The following MYO18B variants were observed in gnomAD, a reference collection of about 807,000 sequenced individuals.
MYO18B encodes unconventional myosin-XVIIIb.
Under a neutral mutation model 273.0 loss-of-function variants are expected in MYO18B, and 204 were observed. That is an observed-to-expected ratio of 0.75 (90% CI 0.67 to 0.84). MYO18B has a LOEUF of 0.84. MYO18B is among the 40% of genes least tolerant of loss of function. The probability of loss-of-function intolerance (pLI) is 0.00; values close to 1 mark genes in which losing one functional copy is unlikely to be tolerated. For missense variants in MYO18B, 3,212 were observed against 3,287.6 expected, an observed-to-expected ratio of 0.98 and a Z score of 0.56; for synonymous variants, 1,330 against 1,305.7, an observed-to-expected ratio of 1.02 and a Z score of -0.40.
chr22:25,805,827 G>T (rs6004770), intron 12 of MYO18B, among the ~76,000 whole-genome samples: 1 of 152,070 alleles, frequency 6.6e-6, no homozygotes, highest in East Asian at 1.9e-4. Context: ...GTCCTCTCCC[G>T]CTGTCCCTAC....
intron 12 of MYO18B, among the ~76,000 whole-genome samples, chr22:25,799,647 GTGCTGGTGCATCCTT>G (rs2088098460): frequency 6.6e-6 from 1 of 152,168 alleles, no homozygotes; most frequent in African/African-American, 2.4e-5. Flanking sequence ...CTTCGAGAAG[GTGCTGGTGCATCCTT>G]TCCGTCATCC....
In MYO18B at chr22:25,860,527, C is replaced by G. The variant is rs556760637; in HGVS notation, c.3886-7793C>G. Among the ~76,000 whole-genome samples, 5 of 152,292 alleles carry G rather than the reference C, an allele frequency of 3.3e-5. No homozygotes were observed. In the East Asian group the frequency reaches 9.6e-4, roughly 29 times the overall value. On this transcript the variant is annotated intron_variant, in intron 21 of 43. Coordinates refer to ENST00000335473, the MANE Select transcript of MYO18B (RefSeq NM_032608.7). ...AAAGTACTACTTTGGCTGCATCACACAAAAATTTTCATTTAGTTCAAGATA... is the reference window on the plus strand; with the variant it reads ...AAAGTACTACTTTGGCTGCATCACAGAAAAATTTTCATTTAGTTCAAGATA...
At chr22:26,058,705 C>G in the MYO18B span, among the ~76,000 whole-genome samples, 1 of 152,114 alleles carries the variant, frequency 6.6e-6, no homozygotes, top group South Asian at 2.1e-4. Context: ...TCTCCCCTGC[C>G]TCTCTCTCTT....
At chr22:26,040,724 G>A in the MYO18B span, among the ~76,000 whole-genome samples, 1 of 152,208 alleles carries the variant, frequency 6.6e-6, no homozygotes, top group Non-Finnish European at 1.5e-5. Flanking sequence ...AACAGTCAAT[G>A]CAAAGGCCCT....
rs1446645337 is a variant in MYO18B at position 25,872,098 on chromosome 22, T to C, written c.3952-2188T>C. ...TTTATTTCAATGAGACTAATGGTCT[T>C]GGTGGCCCTGTCTGATAGGAAGTGT... On this transcript the variant is annotated intron_variant, in intron 22 of 43. Coordinates refer to ENST00000335473, the MANE Select transcript of MYO18B (RefSeq NM_032608.7). 7.9e-5 allele frequency among the ~76,000 whole-genome samples: 12 copies of C among 152,256 alleles called. No homozygotes were observed. In the East Asian group the frequency reaches 2.1e-3, roughly 27 times the overall value.
chr22:25,818,452 G>A (rs989266233), intron 12 of MYO18B, among the ~76,000 whole-genome samples: 3 of 152,174 alleles, frequency 2.0e-5, no homozygotes, highest in Admixed American at 1.3e-4. Flanking sequence ...TGACTTTACT[G>A]GGTCTGTTCT....
chr22:26,059,155 T>C, the MYO18B span, among the ~76,000 whole-genome samples: 1 of 152,218 alleles, frequency 6.6e-6, no homozygotes, highest in Non-Finnish European at 1.5e-5. Context: ...ATTTTCTGAC[T>C]CCCAGAAGTG....
chr22:25,844,008 C>A, intron 18 of MYO18B, 114 bp downstream of exon 18: 1 of 932,502 alleles, frequency 1.1e-6, no homozygotes, highest in Non-Finnish European at 1.6e-6. Flanking sequence ...GCCCAGGAAT[C>A]CCATCCCTCC....
chr22:25,947,656 T>G lies in MYO18B; in HGVS notation c.5632-56T>G, dbSNP rs1000060165. The G allele has an allele frequency of 1.2e-5, 17 of 1,363,262 alleles. No individual in the cohort carries two copies. In the African/African-American group the frequency reaches 1.9e-4, roughly 15 times the overall value. The allele number at this position is 1,363,262 out of a possible 1,614,324, so 84.4% of individuals were successfully genotyped here. A position where few individuals can be genotyped will look rare whatever the true frequency, so the allele number is the denominator to read the frequency against. ...CCCTCTTTGCTCTTCCTCTGGACCT[T>G]GCTGCCCATCCCTCACCCTCTCACC... On this transcript the variant is annotated intron_variant, in intron 35 of 43. Transcript: ENST00000335473.
In MYO18B at chr22:25,843,894, G is replaced by C; in HGVS notation, c.3368G>C (p.Arg1123Thr). ...CCCCAGGTCCTGCACCAGTCAAAAA[G>C]GTGAGTTGGGTCAGGGTTGGGGACG... ...DAPQVLHQSKREELRSLFQAR... is the reference protein window; with the variant it reads ...DAPQVLHQSKTEELRSLFQAR... The change falls in exon 18 of 44, where the codon AGA (arginine) becomes ACA (threonine). Residue 1123 changes from arginine to threonine, a missense_variant and splice_region_variant. By Grantham distance (71) the Arg-to-Thr change is moderately conservative. Transcript: ENST00000335473. 2 of 1,599,638 alleles carry C rather than the reference G, an allele frequency of 1.3e-6. No individual in the cohort carries two copies. Among genetic ancestry groups the C allele is most frequent in the Non-Finnish European group, 1.7e-6 (2 of 1,168,316 alleles).
intron 39 of MYO18B, among the ~76,000 whole-genome samples, chr22:25,977,444 G>T (rs2093103110): frequency 6.6e-6 from 1 of 152,168 alleles, no homozygotes; most frequent in African/African-American, 2.4e-5. Context: ...GCCCCAGGGG[G>T]TTGTCACATT....
At chr22:25,860,816 T>C (rs1425863214) in intron 21 of MYO18B, among the ~76,000 whole-genome samples, 1 of 152,200 alleles carries the variant, frequency 6.6e-6, no homozygotes, top group Non-Finnish European at 1.5e-5. Flanking sequence ...TCTGTGGTTG[T>C]TGAGTAGTCT....
chr22:25,760,963 C>A (rs1178989572), intron 1 of MYO18B, 21 bp from the exon 2 acceptor site: 2 of 1,015,700 alleles, frequency 2.0e-6, no homozygotes, highest in South Asian at 1.3e-5. Context: ...CTTCTCTCCC[C>A]ACTGTGTCCC....
At chr22:25,876,418 T>C in intron 24 of MYO18B, 86 bp downstream of exon 24, 1 of 1,395,200 alleles carries the variant, frequency 7.2e-7, no homozygotes, top group Non-Finnish European at 9.5e-7. Flanking sequence ...TGTGCCCCTA[T>C]TCCTGAATGT....
intron 39 of MYO18B, among the ~76,000 whole-genome samples, chr22:25,987,049 A>G (rs558244161): frequency 2.0e-5 from 3 of 152,180 alleles, no homozygotes; most frequent in Admixed American, 2.0e-4. Context: ...AGTCTGATCT[A>G]TAGTGTAAAT....
chr22:25,898,093 A>G, intron 28 of MYO18B: 1 of 538,278 alleles, frequency 1.9e-6, no homozygotes, highest in Non-Finnish European at 3.2e-6. Flanking sequence ...AGATTGATGG[A>G]ATTATCCCCA....
chr22:25,841,958 T>G (rs1382645087), intron 17 of MYO18B, among the ~76,000 whole-genome samples: 1 of 152,240 alleles, frequency 6.6e-6, no homozygotes, highest in Non-Finnish European at 1.5e-5. Flanking sequence ...GGGACTTTCT[T>G]GAGGGCAGGG....
chr22:25,849,315 C>T (rs950201584), intron 20 of MYO18B, among the ~76,000 whole-genome samples: 5 of 152,322 alleles, frequency 3.3e-5, no homozygotes, highest in South Asian at 4.1e-4. Context: ...GTTGATATCT[C>T]ATGGTAGAAA....
At chr22:25,954,796 C>A (rs971903369) in intron 38 of MYO18B, among the ~76,000 whole-genome samples, 2 of 152,168 alleles carry the variant, frequency 1.3e-5, no homozygotes, top group African/African-American at 2.4e-5. Context: ...ACTACAACCT[C>A]CACCTCCCAG....
Sources: gnomAD v4.1 joint callset for allele counts (sites outside exome capture counted in the v4.1 genomes callset) on GRCh38, gnomAD v4.1.1 for gene constraint, MANE v1.5 for transcripts, NCBI Gene and HGNC (gene_info 2026-07-23, HGNC 2026-07-21) for gene names.